Variants in RUNX1 observed in about 807,000 individuals in gnomAD.
The protein encoded by RUNX1 is runt-related transcription factor 1.
A neutral mutation model predicts 42.8 loss-of-function variants in RUNX1; 19 were observed. The observed-to-expected ratio is 0.44, with a 90% confidence interval of 0.31 to 0.65. RUNX1 has a LOEUF of 0.65. Among genes scored for constraint, RUNX1 ranks in the 30% least tolerant of loss-of-function variants. The pLI is 0.07. For synonymous variants in RUNX1, 271 were observed against 289.4 expected, an observed-to-expected ratio of 0.94 and a Z score of 0.64; for missense variants, 528 against 672.0, an observed-to-expected ratio of 0.79 and a Z score of 2.37.
chr21:34,807,799 C>G (rs889749088), intron 7 of RUNX1, among the ~76,000 whole-genome samples: 6 of 152,194 alleles, frequency 3.9e-5, no homozygotes, highest in African/African-American at 1.4e-4. Context: ...GGCCTAGGCT[C>G]CCCTTGCAGA....
At chr21:34,853,876 C>A (rs2057460068) in intron 6 of RUNX1, among the ~76,000 whole-genome samples, 1 of 151,252 alleles carries the variant, frequency 6.6e-6, no homozygotes, top group Non-Finnish European at 1.5e-5. Context: ...ACAGTGGCAC[C>A]ATCTCGGCTC....
intron 2 of RUNX1, among the ~76,000 whole-genome samples, chr21:34,948,962 G>A (rs968920363): frequency 6.6e-6 from 1 of 152,052 alleles, no homozygotes; most frequent in African/African-American, 2.4e-5. Context: ...CACCATCTTG[G>A]CCAGGCTGGT....
intron 2 of RUNX1, among the ~76,000 whole-genome samples, chr21:35,036,611 G>A (rs957554911): frequency 2.0e-5 from 3 of 149,276 alleles, no homozygotes; most frequent in African/African-American, 2.5e-5. Flanking sequence ...TTGACAAAAG[G>A]AATTATCATG....
chr21:34,993,767 G>GCA (rs1438809028), intron 2 of RUNX1, among the ~76,000 whole-genome samples: 1 of 26,490 alleles, frequency 3.8e-5, no homozygotes, highest in Admixed American at 3.7e-4. Flanking sequence ...ACACACAGGC[G>GCA]CACACACACA....
intron 2 of RUNX1, among the ~76,000 whole-genome samples, chr21:34,976,164 A>G (rs2058800309): frequency 6.6e-6 from 1 of 151,932 alleles, no homozygotes; most frequent in African/African-American, 2.4e-5. Flanking sequence ...AAAGCTAATC[A>G]TTTTCACACT....
chr21:34,799,534 T>G, intron 7 of RUNX1, 72 bp from the exon 8 acceptor site: 2 of 1,373,904 alleles, frequency 1.5e-6, no homozygotes, highest in Non-Finnish European at 1.0e-6. Flanking sequence ...TAATAAGAAA[T>G]GAGTGGCCCT....
intron 2 of RUNX1, among the ~76,000 whole-genome samples, chr21:34,908,228 T>C (rs569334695): frequency 2.0e-5 from 3 of 152,164 alleles, no homozygotes; most frequent in Non-Finnish European, 4.4e-5. Flanking sequence ...CAAGAAGAGA[T>C]ACAGAGAATT....
chr21:34,852,112 G>A (rs1041130713), intron 6 of RUNX1, among the ~76,000 whole-genome samples: 4 of 152,202 alleles, frequency 2.6e-5, no homozygotes, highest in East Asian at 1.9e-4. Context: ...AGGTTGCAGT[G>A]AGCTGAGATG....
intron 5 of RUNX1, among the ~76,000 whole-genome samples, chr21:34,875,133 A>G (rs1215696940): frequency 6.6e-6 from 1 of 152,268 alleles, no homozygotes; most frequent in Non-Finnish European, 1.5e-5. Flanking sequence ...TGAAGGGATC[A>G]ACTGCGAAAC....
intron 3 of RUNX1, chr21:34,887,718 T>G: frequency 9.4e-7 from 1 of 1,060,056 alleles, no homozygotes; most frequent in Non-Finnish European, 1.1e-6. Context: ...ATACATATGC[T>G]CTACTTCATA....
intron 6 of RUNX1, among the ~76,000 whole-genome samples, chr21:34,858,380 T>A (rs1490058106): frequency 6.6e-6 from 1 of 152,150 alleles, no homozygotes; most frequent in Non-Finnish European, 1.5e-5. Flanking sequence ...TCACTAACAT[T>A]TCCTGCCTTC....
intron 2 of RUNX1, among the ~76,000 whole-genome samples, chr21:34,992,052 A>C (rs11910641): frequency 6.6e-6 from 1 of 152,172 alleles, no homozygotes; most frequent in African/African-American, 2.4e-5. Context: ...CTGGCGTCCA[A>C]AGCTGTGAAA....
At chr21:35,013,232 T>C (rs1370292868) in intron 2 of RUNX1, among the ~76,000 whole-genome samples, 1 of 152,224 alleles carries the variant, frequency 6.6e-6, no homozygotes, top group Non-Finnish European at 1.5e-5. Flanking sequence ...GGTCTATAGA[T>C]TTAGTTGAAT....
intron 2 of RUNX1, among the ~76,000 whole-genome samples, chr21:35,015,990 C>T (rs882776): frequency 0.35 from 52,762 of 152,044 alleles, 9,964 homozygotes; most frequent in Non-Finnish European, 0.43. Flanking sequence ...TTGTGAGTTT[C>T]ATTTCATTAT....
At chr21:34,903,758 A>G (rs2058195832) in intron 2 of RUNX1, among the ~76,000 whole-genome samples, 1 of 152,230 alleles carries the variant, frequency 6.6e-6, no homozygotes, top group Non-Finnish European at 1.5e-5. Context: ...AAATTTGGAA[A>G]ACAGACTGTT....
At chr21:34,951,145 C>A (rs1270528886) in intron 2 of RUNX1, among the ~76,000 whole-genome samples, 2 of 152,076 alleles carry the variant, frequency 1.3e-5, no homozygotes, top group African/African-American at 2.4e-5. Context: ...CACTTATCTG[C>A]CCAAGGGATA....
intron 2 of RUNX1, among the ~76,000 whole-genome samples, chr21:34,929,924 A>G (rs1317701559): frequency 6.6e-6 from 1 of 152,010 alleles, no homozygotes; most frequent in Non-Finnish European, 1.5e-5. Context: ...GTATTTAAGT[A>G]TTCATATATC....
intron 2 of RUNX1, among the ~76,000 whole-genome samples, chr21:34,998,694 A>G (rs982259635): frequency 6.6e-6 from 1 of 152,050 alleles, no homozygotes; most frequent in Non-Finnish European, 1.5e-5. Flanking sequence ...GGCACCCGCC[A>G]CCATGCCTGG....
At chr21:34,917,252 T>C (rs1011641457) in intron 2 of RUNX1, among the ~76,000 whole-genome samples, 2 of 152,062 alleles carry the variant, frequency 1.3e-5, no homozygotes, top group Non-Finnish European at 2.9e-5. Flanking sequence ...GGCACATGTC[T>C]TTGTGAAGGG....
Sources: allele counts gnomAD v4.1 joint callset (sites outside exome capture counted in the v4.1 genomes callset), GRCh38; gene constraint gnomAD v4.1.1; transcripts MANE v1.5; gene names NCBI Gene and HGNC (gene_info 2026-07-23, HGNC 2026-07-21).